NALF1: variants seen among roughly 807,000 people sequenced by gnomAD.
NALF1 encodes NALCN channel auxiliary factor 1.
A neutral mutation model predicts 48.4 loss-of-function variants in NALF1; 3 were observed. That is an observed-to-expected ratio of 0.06 (90% confidence interval 0.03 to 0.16). NALF1 has a LOEUF of 0.16. Ranked by LOEUF, NALF1 falls within the 10% of genes least tolerant of loss-of-function variation. The pLI is 1.00. For synonymous variants in NALF1, 262 were observed against 245.7 expected (o/e 1.07, Z -0.62); for missense variants, 526 against 571.5 (o/e 0.92, Z 0.81).
intron 1 of NALF1, among the ~76,000 whole-genome samples, chr13:107,716,354 G>A (rs1252534548): frequency 1.3e-5 from 2 of 152,094 alleles, no homozygotes; most frequent in African/African-American, 2.4e-5. Context: ...TTTGTTTCCC[G>A]GTGCCATATA....
chr13:107,622,828 C>A (rs1000411107), intron 1 of NALF1, among the ~76,000 whole-genome samples: 1 of 152,118 alleles, frequency 6.6e-6, no homozygotes, highest in African/African-American at 2.4e-5. Flanking sequence ...ATTATGGTAA[C>A]TAGGCATAGC....
At chr13:107,198,321 T>G (rs1354164546) in intron 2 of NALF1, among the ~76,000 whole-genome samples, 1 of 152,192 alleles carries the variant, frequency 6.6e-6, no homozygotes, top group African/African-American at 2.4e-5. Context: ...CATTGCAAAT[T>G]GATTGTGCTT....
At chr13:107,427,585 G>A (rs1461074029) in intron 1 of NALF1, among the ~76,000 whole-genome samples, 1 of 152,004 alleles carries the variant, frequency 6.6e-6, no homozygotes, top group East Asian at 1.9e-4. Flanking sequence ...AAGAAATTAA[G>A]GTTGCAAAAA....
chr13:107,533,792 C>G (rs546556067), intron 1 of NALF1, among the ~76,000 whole-genome samples: 1 of 152,242 alleles, frequency 6.6e-6, no homozygotes, highest in South Asian at 2.1e-4. Context: ...ATGACACCAT[C>G]CAGGATCATG....
chr13:107,529,696 G>A (rs1446625310), intron 1 of NALF1, among the ~76,000 whole-genome samples: 1 of 152,142 alleles, frequency 6.6e-6, no homozygotes, highest in Non-Finnish European at 1.5e-5. Context: ...ATGATTGGAA[G>A]ATGTGATGAA....
At chr13:107,516,410 C>A (rs913443354) in intron 1 of NALF1, among the ~76,000 whole-genome samples, 1 of 152,096 alleles carries the variant, frequency 6.6e-6, no homozygotes, top group African/African-American at 2.4e-5. Flanking sequence ...CAACATTCCA[C>A]CATGTGAGGA....
chr13:107,210,880 A>G (rs1381717538), intron 1 of NALF1, 125 bp from the exon 2 acceptor site: 1 of 638,562 alleles, frequency 1.6e-6, no homozygotes, highest in East Asian at 2.7e-5. Flanking sequence ...TCATTGTGAG[A>G]AAGCGTATTT....
At chr13:107,175,176 A>G (rs1878900181) in intron 2 of NALF1, among the ~76,000 whole-genome samples, 1 of 151,868 alleles carries the variant, frequency 6.6e-6, no homozygotes, top group Non-Finnish European at 1.5e-5. Context: ...GGCGTGAGCC[A>G]TCGCGCCCGG....
At chr13:107,295,542 C>T (rs1881709078) in intron 1 of NALF1, among the ~76,000 whole-genome samples, 1 of 152,186 alleles carries the variant, frequency 6.6e-6, no homozygotes, top group African/African-American at 2.4e-5. Flanking sequence ...ACATCCACTG[C>T]CTTCTTCACA....
At chr13:107,356,191 C>T (rs2138949985) in intron 1 of NALF1, among the ~76,000 whole-genome samples, 1 of 152,196 alleles carries the variant, frequency 6.6e-6, no homozygotes, top group South Asian at 2.1e-4. Context: ...TAGATGTGAC[C>T]ACTGCTCTGA....
At chr13:107,366,179 A>G (rs1883148394) in intron 1 of NALF1, among the ~76,000 whole-genome samples, 1 of 152,188 alleles carries the variant, frequency 6.6e-6, no homozygotes, top group Non-Finnish European at 1.5e-5. Context: ...TTATTCATGA[A>G]GTGTTTCTCT....
At chr13:107,555,139 A>G (rs185660256) in intron 1 of NALF1, among the ~76,000 whole-genome samples, 22 of 152,284 alleles carry the variant, frequency 1.4e-4, no homozygotes, top group African/African-American at 4.6e-4. Context: ...AGGCTGCTTA[A>G]TTATATTGTA....
chr13:107,713,137 A>T (rs1349919749), intron 1 of NALF1, among the ~76,000 whole-genome samples: 1 of 152,194 alleles, frequency 6.6e-6, no homozygotes, highest in Admixed American at 6.5e-5. Flanking sequence ...AGCAGCAGCA[A>T]ATTTTCTTCG....
chr13:107,786,370 C>T (rs574765938), intron 1 of NALF1, among the ~76,000 whole-genome samples: 10 of 138,650 alleles, frequency 7.2e-5, no homozygotes, highest in Admixed American at 3.1e-4. Context: ...AAGCTGAAAT[C>T]GCACCATTGC....
chr13:107,724,158 T>C (rs1363971048), intron 1 of NALF1, among the ~76,000 whole-genome samples: 1 of 152,166 alleles, frequency 6.6e-6, no homozygotes, highest in Non-Finnish European at 1.5e-5. Context: ...AAGACTATTT[T>C]TTTACCCTCA....
intron 1 of NALF1, among the ~76,000 whole-genome samples, chr13:107,634,209 G>A (rs1879914104): frequency 6.6e-6 from 1 of 151,990 alleles, no homozygotes; most frequent in Non-Finnish European, 1.5e-5. Context: ...AGGCAAAGAT[G>A]GTGGGGAGGC....
At chr13:107,774,627 C>T (rs1877672182) in intron 1 of NALF1, among the ~76,000 whole-genome samples, 1 of 152,156 alleles carries the variant, frequency 6.6e-6, no homozygotes, top group African/African-American at 2.4e-5. Context: ...ATAATTTATC[C>T]AGCAGCCATT....
At chr13:107,195,101 A>G (rs1594064345) in intron 2 of NALF1, among the ~76,000 whole-genome samples, 1 of 152,182 alleles carries the variant, frequency 6.6e-6, no homozygotes. Context: ...AACAGCAAAC[A>G]CTTTTGCACG....
chr13:107,360,310 C>T (rs759216119), intron 1 of NALF1, among the ~76,000 whole-genome samples: 13 of 152,130 alleles, frequency 8.5e-5, no homozygotes, highest in Non-Finnish European at 1.6e-4. Context: ...AACCACAACG[C>T]TCAGATCCCC....
Sources: allele counts gnomAD v4.1 joint callset (sites outside exome capture counted in the v4.1 genomes callset), GRCh38; gene constraint gnomAD v4.1.1; transcripts MANE v1.5; gene names NCBI Gene and HGNC (gene_info 2026-07-23, HGNC 2026-07-21).